The following UBTD1 variants were observed in gnomAD, a reference collection of about 807,000 sequenced individuals.
UBTD1 encodes the protein ubiquitin domain containing 1, also known as ubiquitin domain-containing protein 1.
A neutral mutation model predicts 21.7 loss-of-function variants in UBTD1; 19 were observed. That is an observed-to-expected ratio of 0.87 (90% CI 0.61 to 1.28). UBTD1 has a LOEUF of 1.28. Ranked by LOEUF, UBTD1 falls within the 50% of genes most tolerant of loss-of-function variation. The pLI is 0.00. For missense variants in UBTD1, 282 were observed against 315.1 expected (o/e 0.89, Z 0.80); for synonymous variants, 116 against 135.1 (o/e 0.86, Z 0.98).
At chr10:97,534,900 T>A (rs2040552787) in intron 1 of UBTD1, among the ~76,000 whole-genome samples, 1 of 152,084 alleles carries the variant, frequency 6.6e-6, no homozygotes, top group African/African-American at 2.4e-5. Flanking sequence ...CTTGCCCGCC[T>A]CCCCACCAAG....
Position 97,570,183 on chromosome 10 carries a change from T to C in UBTD1, c.344T>C (p.Leu115Pro), listed in dbSNP as rs754554380. Residue 115 changes from leucine to proline, a missense_variant, in exon 3 of 3, where the codon CTG becomes CCG. Physicochemically the swap from Leu to Pro is moderately conservative, Grantham distance 98. Coordinates refer to ENST00000370664, the MANE Select transcript of UBTD1 (RefSeq NM_024954.5). This position sits in a 1 kb window ranked among gnomAD's most constrained non-coding sequence, Gnocchi z 6.6. ...GATGAGCTGGGCAATCGCTACCAGCTGCCCATCTACTGCCTGTCACCGCCG... is the reference window on the plus strand; with the variant it reads ...GATGAGCTGGGCAATCGCTACCAGCCGCCCATCTACTGCCTGTCACCGCCG... ...CYDELGNRYQ[L>P]PIYCLSPPVN... The C allele has an allele frequency of 2.5e-6, 4 of 1,612,676 alleles. No individual in the cohort carries two copies. The highest frequency in any genetic ancestry group is 2.2e-5 in the South Asian group (2 of 91,080).
chr10:97,518,387 C>T (rs923682786), intron 1 of UBTD1, among the ~76,000 whole-genome samples: 8 of 152,236 alleles, frequency 5.3e-5, no homozygotes, highest in African/African-American at 7.2e-5. Context: ...CCTCTGCAGC[C>T]GACATCCCAC....
intron 1 of UBTD1, among the ~76,000 whole-genome samples, chr10:97,545,724 T>G (rs541797616): frequency 3.9e-5 from 6 of 152,242 alleles, no homozygotes; most frequent in Non-Finnish European, 8.8e-5. Context: ...CAAGCCCAAG[T>G]CTGCCTGAGG....
At chr10:97,544,456 A>G (rs1026758240) in intron 1 of UBTD1, among the ~76,000 whole-genome samples, 2 of 152,178 alleles carry the variant, frequency 1.3e-5, no homozygotes, top group African/African-American at 2.4e-5. Context: ...AATGTTAATA[A>G]TAATGACAAA....
In UBTD1 at chr10:97,567,985, C is replaced by T. The variant is rs775126043; in HGVS notation, c.142C>T (p.Arg48Trp). Residue 48 changes from arginine to tryptophan, a missense_variant, in exon 2 of 3, where the codon CGG becomes TGG. By Grantham distance (101) the Arg-to-Trp change is moderately radical. Coordinates refer to ENST00000370664, the MANE Select transcript of UBTD1 (RefSeq NM_024954.5). ...CTACCCCATGACTGACGGGCAGCTG[C>T]GGAGCAAACGGGATGAGTTCTGGGA... ...SDYPMTDGQL[R>W]SKRDEFWDTA... 13 of 1,614,006 alleles carry T rather than the reference C, an allele frequency of 8.1e-6. No individual in the cohort carries two copies. Among genetic ancestry groups the T allele is most frequent in the South Asian group, 3.3e-5 (3 of 91,092 alleles).
At chr10:97,524,347 C>T (rs1177873415) in intron 1 of UBTD1, among the ~76,000 whole-genome samples, 5 of 152,108 alleles carry the variant, frequency 3.3e-5, no homozygotes, top group African/African-American at 9.7e-5. Flanking sequence ...GCAGTCCACC[C>T]ACCTCAGCCT....
chr10:97,563,908 A>G (rs1481115984), intron 1 of UBTD1, among the ~76,000 whole-genome samples: 1 of 152,178 alleles, frequency 6.6e-6, no homozygotes, highest in African/African-American at 2.4e-5. Flanking sequence ...TCCTTTAGGA[A>G]TGCAGGTGAG....
In UBTD1 at chr10:97,570,808, G is replaced by A. The variant is rs1037279032; in HGVS notation, c.*285G>A. 8.4e-5 allele frequency: 35 copies of A among 415,206 alleles called. No homozygotes were observed. The highest frequency in any genetic ancestry group is 6.7e-4 in the African/African-American group (34 of 50,908). 25.7% of individuals were successfully genotyped at this position (415,206 alleles called of 1,614,324 possible). ...GGTTCGAGCCACAAGGGCCAACCAGGAGGCCCCTGGAGCCCAGATCTGTCA... is the reference window on the plus strand; with the variant it reads ...GGTTCGAGCCACAAGGGCCAACCAGAAGGCCCCTGGAGCCCAGATCTGTCA... On this transcript the variant is annotated 3_prime_UTR_variant, in exon 3 of 3. Coordinates refer to ENST00000370664, the MANE Select transcript of UBTD1 (RefSeq NM_024954.5). This position sits in a 1 kb window ranked among gnomAD's most constrained non-coding sequence, Gnocchi z 6.6.
chr10:97,516,091 G>A (rs2040443063), intron 1 of UBTD1, among the ~76,000 whole-genome samples: 1 of 152,236 alleles, frequency 6.6e-6, no homozygotes, highest in Non-Finnish European at 1.5e-5. Flanking sequence ...TCCAGTTGGG[G>A]CTGTCAGACC....
intron 1 of UBTD1, among the ~76,000 whole-genome samples, chr10:97,532,651 G>A (rs542004116): frequency 3.9e-5 from 6 of 152,290 alleles, no homozygotes; most frequent in South Asian, 2.1e-4. Context: ...TTAGCTGGGC[G>A]TGGTGGCGGG....
chr10:97,553,615 T>G (rs1390698273), intron 1 of UBTD1, among the ~76,000 whole-genome samples: 2 of 152,012 alleles, frequency 1.3e-5, no homozygotes, highest in Non-Finnish European at 2.9e-5. Context: ...GAGAACTTGG[T>G]GAGTTGTTTT....
At position 97,532,798 on chromosome 10, in the gene UBTD1, A is replaced by AAAAGAAAG. The variant is rs71007346; in HGVS notation, c.70+33542_70+33549dup. Among the ~76,000 whole-genome samples, 1,274 of 149,050 alleles carry AAAAGAAAG rather than the reference A, an allele frequency of 8.5e-3. 9 individuals carry two copies. The highest frequency in any genetic ancestry group is 0.013 in the Non-Finnish European group (880 of 67,024). ...AGAGCGCAACTGCATCTCAAAAAAAAAAAGAAAGAAAGAAAGAAAGAAAGC... is the reference window on the plus strand; with the variant it reads ...AGAGCGCAACTGCATCTCAAAAAAAAAAAGAAAGAAAGAAAGAAAGAAAGAAAGAAAGC... On this transcript the variant is annotated intron_variant, in intron 1 of 2. Transcript: ENST00000370664.
At chr10:97,520,289 A>G (rs1176231388) in intron 1 of UBTD1, among the ~76,000 whole-genome samples, 3 of 152,104 alleles carry the variant, frequency 2.0e-5, no homozygotes, top group Admixed American at 2.0e-4. Flanking sequence ...GGCTGACCCA[A>G]TGGCTTTGTC....
Position 97,536,698 on chromosome 10 carries a change from G to A in UBTD1, c.71-31216G>A, listed in dbSNP as rs1029701388. On this transcript the variant is annotated intron_variant, in intron 1 of 2. Coordinates refer to ENST00000370664, the MANE Select transcript of UBTD1 (RefSeq NM_024954.5). ...CTACCCAGCCTGACTCCAGGCCGTAGATGCTTCTGTACCTTCTACTGGGAA... is the reference window on the plus strand; with the variant it reads ...CTACCCAGCCTGACTCCAGGCCGTAAATGCTTCTGTACCTTCTACTGGGAA... Among the ~76,000 whole-genome samples the A allele has an allele frequency of 7.9e-5, 12 of 152,266 alleles. No homozygotes were observed. The South Asian group carries it at 1.0e-3, about 13-fold the overall frequency.
intron 1 of UBTD1, among the ~76,000 whole-genome samples, chr10:97,517,541 C>T (rs184595361): frequency 1.6e-3 from 244 of 152,294 alleles, no homozygotes; most frequent in Non-Finnish European, 2.4e-3. Flanking sequence ...TTGTGCATGT[C>T]ACAGGGCTCT....
In UBTD1 at chr10:97,570,440, C is replaced by G. The variant is rs749379915; in HGVS notation, c.601C>G (p.Arg201Gly). 6.2e-7 allele frequency: 1 copy of G among 1,613,240 alleles called. No homozygotes were observed. Among genetic ancestry groups the G allele is most frequent in the Non-Finnish European group, 8.5e-7 (1 of 1,179,954 alleles). ...CTTCTCCGGGAAGCTGCTCACAGAC[C>G]GCACACGGCTCCAGGAGACCAAGAT... ...WFFSGKLLTD[R>G]TRLQETKIQK... Residue 201 changes from arginine to glycine, a missense_variant, in exon 3 of 3, where the codon CGC (arginine) becomes GGC (glycine). Arg to Gly is a moderately radical substitution (Grantham distance 125). Coordinates refer to ENST00000370664, the MANE Select transcript of UBTD1 (RefSeq NM_024954.5). This position sits in a 1 kb window ranked among gnomAD's most constrained non-coding sequence, Gnocchi z 6.6.
chr10:97,508,268 G>T (rs562159993), intron 1 of UBTD1, among the ~76,000 whole-genome samples: 1 of 152,360 alleles, frequency 6.6e-6, no homozygotes, highest in Admixed American at 6.5e-5. Context: ...TTGGGCCAGT[G>T]TGTAGTTTGT....
At chr10:97,501,122 C>T (rs1159071728) in intron 1 of UBTD1, among the ~76,000 whole-genome samples, 1 of 152,186 alleles carries the variant, frequency 6.6e-6, no homozygotes, top group Non-Finnish European at 1.5e-5. Flanking sequence ...CCCTTGCCAC[C>T]CTACTTTGTA....
At chr10:97,563,486 G>A (rs774049335) in intron 1 of UBTD1, among the ~76,000 whole-genome samples, 78 of 152,254 alleles carry the variant, frequency 5.1e-4, no homozygotes, top group Admixed American at 2.1e-3. Context: ...ATAGTGTGGT[G>A]GAGATAGGTA....
Sources: gnomAD v4.1 joint callset for allele counts (sites outside exome capture counted in the v4.1 genomes callset) on GRCh38, gnomAD v4.1.1 for gene constraint, Gnocchi (gnomAD v3.1) non-coding constraint, MANE v1.5 for transcripts, NCBI Gene and HGNC (gene_info 2026-07-23, HGNC 2026-07-21) for gene names.